OPA1: variants seen among roughly 807,000 people sequenced by gnomAD.
The protein encoded by OPA1 is dynamin-like GTPase OPA1, mitochondrial.
In OPA1, 59 loss-of-function variants were observed where a neutral mutation model predicts 152.9. The ratio of observed to expected loss-of-function variants is 0.39; its 90% CI spans 0.31 to 0.48. OPA1 has a LOEUF of 0.48. OPA1 is among the 20% of genes least tolerant of loss of function. The pLI, the probability that OPA1 is intolerant of heterozygous loss-of-function variation, is 0.96. For missense variants in OPA1, 1,008 were observed against 1,216.8 expected, an observed-to-expected ratio of 0.83 and a Z score of 2.55; for synonymous variants, 400 against 389.9, an observed-to-expected ratio of 1.03 and a Z score of -0.31.
chr3:193,648,765 A>T, intron 20 of OPA1, 30 bp from the exon 21 acceptor site: 1 of 1,421,426 alleles, frequency 7.0e-7, no homozygotes. Flanking sequence ...TCTTATGGAA[A>T]TCTTACTTAC....
At chr3:193,606,989 G>A (rs1260491251) in intron 1 of OPA1, among the ~76,000 whole-genome samples, 1 of 152,172 alleles carries the variant, frequency 6.6e-6, no homozygotes, top group African/African-American at 2.4e-5. Flanking sequence ...TCTCATTGTG[G>A]TTTTGATTTG....
intron 8 of OPA1, among the ~76,000 whole-genome samples, chr3:193,633,568 G>C (rs1732446380): frequency 6.6e-6 from 1 of 152,070 alleles, no homozygotes; most frequent in Admixed American, 6.6e-5. Context: ...GAATTCACTG[G>C]GTTATCTATA....
chr3:193,663,482 T>C (rs76151406), intron 26 of OPA1, among the ~76,000 whole-genome samples: 2,114 of 152,272 alleles, frequency 0.014, 39 homozygotes, highest in African/African-American at 0.047. Context: ...CACTTTAGGC[T>C]ACTTTTTGCT....
In OPA1 at chr3:193,644,121, T is replaced by G; in HGVS notation, c.1608+16T>G. 6.2e-7 allele frequency: 1 copy of G among 1,613,226 alleles called. No homozygotes were observed. The highest frequency in any genetic ancestry group is 8.5e-7 in the Non-Finnish European group (1 of 1,179,424). ...TCCAAGCAGGGTGAGGTCAAATTCT[T>G]TGTTGCGAGAATAGATTCTTTGTAA... On this transcript the variant is annotated intron_variant, in intron 16 of 30. Transcript: ENST00000361510.
At chr3:193,639,543 G>T (rs1733440233) in intron 11 of OPA1, among the ~76,000 whole-genome samples, 1 of 152,186 alleles carries the variant, frequency 6.6e-6, no homozygotes, top group Non-Finnish European at 1.5e-5. Context: ...CAACAAAGAG[G>T]CCTGTGTGGT....
chr3:193,611,968 C>G (rs947320290), intron 1 of OPA1, among the ~76,000 whole-genome samples: 3 of 151,970 alleles, frequency 2.0e-5, no homozygotes, highest in Admixed American at 6.5e-5. Flanking sequence ...GTGAGGAGCT[C>G]TTAGAGGGCC....
chr3:193,672,927 A>G (rs1718256619), intron 29 of OPA1, among the ~76,000 whole-genome samples: 5 of 152,062 alleles, frequency 3.3e-5, no homozygotes, highest in Admixed American at 3.3e-4. Context: ...TTATTTTACA[A>G]TAAATTCCTT....
At chr3:193,630,395 C>T (rs1439461445) in intron 7 of OPA1, among the ~76,000 whole-genome samples, 1 of 152,010 alleles carries the variant, frequency 6.6e-6, no homozygotes, top group Non-Finnish European at 1.5e-5. Flanking sequence ...TTGTTTCTAA[C>T]AAAGGTTGTT....
chr3:193,598,674 ATAAGGAGGATGTGAATAGG>A (rs1006596199), intron 1 of OPA1, among the ~76,000 whole-genome samples: 21 of 151,946 alleles, frequency 1.4e-4, no homozygotes, highest in Non-Finnish European at 2.5e-4. Context: ...GGGTGAATAG[ATAAGGAGGATGTGAATAGG>A]TAAGGAGAAG....
chr3:193,613,386 C>A (rs545618674), intron 1 of OPA1, among the ~76,000 whole-genome samples: 1 of 152,062 alleles, frequency 6.6e-6, no homozygotes, highest in Non-Finnish European at 1.5e-5. Context: ...AATAAGGATA[C>A]TTAACCTTAC....
At chr3:193,629,568 C>T (rs566460468) in intron 7 of OPA1, among the ~76,000 whole-genome samples, 20 of 151,842 alleles carry the variant, frequency 1.3e-4, no homozygotes, top group African/African-American at 2.4e-4. Context: ...GGTGTGCTGG[C>T]GGGCACCTGT....
intron 5 of OPA1, 74 bp from the exon 6 acceptor site, chr3:193,618,795 C>G (rs1021445268): frequency 8.6e-7 from 1 of 1,163,706 alleles, no homozygotes; most frequent in Non-Finnish European, 1.3e-6. Context: ...TTCATTGACT[C>G]GATGTAATTT....
intron 21 of OPA1, among the ~76,000 whole-genome samples, chr3:193,650,025 C>T (rs750985143): frequency 3.3e-5 from 5 of 152,064 alleles, no homozygotes; most frequent in African/African-American, 1.2e-4. Flanking sequence ...ACTGTAACAA[C>T]TAATAATGCT....
At chr3:193,683,952 G>C (rs1720564473) in intron 29 of OPA1, among the ~76,000 whole-genome samples, 1 of 152,162 alleles carries the variant, frequency 6.6e-6, no homozygotes, top group African/African-American at 2.4e-5. Flanking sequence ...TTTGCTAGAG[G>C]TAAGCTGCAA....
intron 1 of OPA1, among the ~76,000 whole-genome samples, chr3:193,610,758 G>T (rs560395164): frequency 6.6e-6 from 1 of 152,192 alleles, no homozygotes; most frequent in Non-Finnish European, 1.5e-5. Flanking sequence ...CCCCAGCCTC[G>T]CTGCCACCTT....
chr3:193,628,598 G>A (rs1159970529), intron 7 of OPA1: 1 of 152,166 alleles, frequency 6.6e-6, no homozygotes, highest in Non-Finnish European at 1.5e-5. Context: ...CAAGACCATT[G>A]ATATCCATTT....
intron 8 of OPA1, among the ~76,000 whole-genome samples, chr3:193,634,979 T>C (rs1732718797): frequency 6.6e-6 from 1 of 152,230 alleles, no homozygotes; most frequent in African/African-American, 2.4e-5. Context: ...TGCTAGCTAT[T>C]ATTTTATAGC....
chr3:193,650,578 T>G (rs1173438436), intron 21 of OPA1, among the ~76,000 whole-genome samples: 1 of 152,210 alleles, frequency 6.6e-6, no homozygotes, highest in Admixed American at 6.5e-5. Context: ...GTCATAAGAC[T>G]GTTTGATCTA....
chr3:193,668,358 G>A (rs1283300693), intron 29 of OPA1: 9 of 1,551,216 alleles, frequency 5.8e-6, no homozygotes, highest in Non-Finnish European at 7.0e-6. Context: ...TACACACCAG[G>A]CCACCACATG....
Sources: allele counts gnomAD v4.1 joint callset (sites outside exome capture counted in the v4.1 genomes callset), GRCh38; gene constraint gnomAD v4.1.1; transcripts MANE v1.5; gene names NCBI Gene and HGNC (gene_info 2026-07-23, HGNC 2026-07-21).